Variants in MAOB observed in about 807,000 individuals in gnomAD.
MAOB encodes the protein monoamine oxidase B.
MAOB carries 15 observed loss-of-function variants against 41.9 expected under a neutral mutation model. The ratio of observed to expected loss-of-function variants is 0.36; its 90% CI spans 0.24 to 0.55. The LOEUF is 0.55. Among genes scored for constraint, MAOB ranks in the 20% least tolerant of loss-of-function variants. MAOB has a pLI of 0.86. For synonymous variants in MAOB, 167 were observed against 144.2 expected, an observed-to-expected ratio of 1.16 and a Z score of -1.13; for missense variants, 345 against 398.7, an observed-to-expected ratio of 0.87 and a Z score of 1.15.
chrX:43,878,238 TCTCCCC>T, intron 1 of MAOB, among the ~76,000 whole-genome samples: 1 of 111,400 alleles, frequency 9.0e-6, no homozygotes, highest in Middle Eastern at 4.7e-3. Context: ...CTAAGCCTAT[TCTCCCC>T]CTCCCAGTCT....
intron 5 of MAOB, among the ~76,000 whole-genome samples, chrX:43,799,879 G>A (rs1356338304): frequency 1.8e-5 from 2 of 110,890 alleles, no homozygotes; most frequent in African/African-American, 3.3e-5. Flanking sequence ...CTAAGTATAG[G>A]TCTTTTAAAA....
intron 3 of MAOB, among the ~76,000 whole-genome samples, chrX:43,826,386 G>T (rs1176835835): frequency 8.9e-6 from 1 of 111,831 alleles, no homozygotes; most frequent in South Asian, 3.7e-4. Flanking sequence ...GCTCACATAC[G>T]GGTAAAGACC....
chrX:43,795,066 C>G (rs2034510661), intron 7 of MAOB, among the ~76,000 whole-genome samples: 1 of 110,935 alleles, frequency 9.0e-6, no homozygotes, highest in East Asian at 2.9e-4. Flanking sequence ...CAACTCAATT[C>G]TGACAGTATC....
At chrX:43,848,734 T>C (rs1304124914) in intron 1 of MAOB, among the ~76,000 whole-genome samples, 1 of 111,565 alleles carries the variant, frequency 9.0e-6, no homozygotes, top group Non-Finnish European at 1.9e-5. Flanking sequence ...TTGTACTTTT[T>C]GTAGAGATGG....
chrX:43,881,941 C>T (rs568123849), intron 1 of MAOB, among the ~76,000 whole-genome samples: 2 of 112,251 alleles, frequency 1.8e-5, no homozygotes, highest in South Asian at 7.5e-4. Flanking sequence ...CACCTCCCCA[C>T]CCCTTTTCCC....
At chrX:43,803,517 A>G (rs1396272724) in intron 3 of MAOB, 113 bp from the exon 4 acceptor site, 2 of 995,842 alleles carry the variant, frequency 2.0e-6, no homozygotes, top group Non-Finnish European at 2.6e-6. Context: ...TCAATATGTG[A>G]TATACACTCA....
At chrX:43,859,396 T>C (rs767352262) in intron 1 of MAOB, among the ~76,000 whole-genome samples, 9 of 112,179 alleles carry the variant, frequency 8.0e-5, no homozygotes, top group African/African-American at 2.9e-4. Flanking sequence ...AAATGAATCA[T>C]ATTTTTGAGC....
chrX:43,817,099 TTTC>T (rs1238029932), intron 3 of MAOB, among the ~76,000 whole-genome samples: 2 of 108,387 alleles, frequency 1.8e-5, no homozygotes, highest in Non-Finnish European at 3.8e-5. Flanking sequence ...TCTTTTCTCT[TTTC>T]TTCTTCTTCA....
At chrX:43,858,912 A>G (rs2035314995) in intron 1 of MAOB, among the ~76,000 whole-genome samples, 1 of 111,919 alleles carries the variant, frequency 8.9e-6, no homozygotes, top group African/African-American at 3.2e-5. Flanking sequence ...ACAAGCTGGC[A>G]ATGTTTGTGA....
chrX:43,806,748 C>T (rs2034666562), intron 3 of MAOB, among the ~76,000 whole-genome samples: 1 of 111,837 alleles, frequency 8.9e-6, no homozygotes, highest in Non-Finnish European at 1.9e-5. Context: ...CCTCTTTTCC[C>T]CTTTTACTTG....
At chrX:43,867,516 A>G (rs1413888571) in intron 1 of MAOB, among the ~76,000 whole-genome samples, 1 of 112,616 alleles carries the variant, frequency 8.9e-6, no homozygotes, top group Non-Finnish European at 1.9e-5. Context: ...CAAAGATGGA[A>G]AAAACAATAT....
intron 3 of MAOB, among the ~76,000 whole-genome samples, chrX:43,826,167 G>C (rs1467658385): frequency 8.9e-6 from 1 of 112,169 alleles, no homozygotes; most frequent in Non-Finnish European, 1.9e-5. Flanking sequence ...CTCAACTGTG[G>C]ACAAAGAAAA....
chrX:43,773,970 A>G (rs779502054), intron 12 of MAOB, among the ~76,000 whole-genome samples: 1 of 112,320 alleles, frequency 8.9e-6, no homozygotes, highest in African/African-American at 3.2e-5. Context: ...GCAGCTTATC[A>G]GGTGCTGCCC....
intron 1 of MAOB, among the ~76,000 whole-genome samples, chrX:43,880,641 C>T (rs1422769202): frequency 8.9e-6 from 1 of 112,188 alleles, no homozygotes; most frequent in African/African-American, 3.2e-5. Context: ...GATCAGAGTT[C>T]GGGAGGATGA....
intron 2 of MAOB, 73 bp from the exon 3 acceptor site, chrX:43,839,078 T>TGTCGATTTGCTTATTTC: frequency 1.2e-6 from 1 of 814,163 alleles, no homozygotes; most frequent in Non-Finnish European, 1.7e-6. Flanking sequence ...AGTCCTGAAA[T>TGTCGATTTGCTTATTTC]AAGCAAATCG....
At chrX:43,832,804 C>T (rs1208750807) in intron 3 of MAOB, among the ~76,000 whole-genome samples, 3 of 111,024 alleles carry the variant, frequency 2.7e-5, no homozygotes, top group African/African-American at 9.8e-5. Context: ...TATGAAGTCT[C>T]GATGTACAAG....
chrX:43,872,163 A>G (rs1301856312), intron 1 of MAOB, among the ~76,000 whole-genome samples: 1 of 112,251 alleles, frequency 8.9e-6, no homozygotes, highest in Non-Finnish European at 1.9e-5. Flanking sequence ...AATAAATTTA[A>G]AAGTACTATA....
intron 5 of MAOB, among the ~76,000 whole-genome samples, chrX:43,801,231 T>C (rs1172391974): frequency 9.1e-6 from 1 of 110,426 alleles, no homozygotes; most frequent in Non-Finnish European, 1.9e-5. Flanking sequence ...CTCTCTTCTT[T>C]TGCCTCACTT....
intron 3 of MAOB, among the ~76,000 whole-genome samples, chrX:43,831,421 T>C (rs745803943): frequency 9.0e-6 from 1 of 110,588 alleles, no homozygotes; most frequent in East Asian, 2.8e-4. Context: ...TACCATCAAG[T>C]TAAACAAAAA....
Sources: allele counts gnomAD v4.1 joint callset (sites outside exome capture counted in the v4.1 genomes callset), GRCh38; gene constraint gnomAD v4.1.1; transcripts MANE v1.5; gene names NCBI Gene and HGNC (gene_info 2026-07-23, HGNC 2026-07-21).